GMDS: variants seen among roughly 807,000 people sequenced by gnomAD.
The protein encoded by GMDS is GDP-mannose 4,6 dehydratase.
A neutral mutation model predicts 49.9 loss-of-function variants in GMDS; 20 were observed. The ratio of observed to expected loss-of-function variants is 0.40; its 90% CI spans 0.28 to 0.58. The LOEUF is 0.58. GMDS is among the 20% of genes least tolerant of loss of function. GMDS has a pLI of 0.42. For synonymous variants in GMDS, 177 were observed against 178.6 expected (o/e 0.99, Z 0.07); for missense variants, 362 against 481.4 (o/e 0.75, Z 2.32).
rs1179337424 is a variant in GMDS at position 1,682,704 on chromosome 6, G to A, written c.987+43712C>T. ...CCTGCCTCAGCCTCCCAAGTAGCTGGGACTACAGGCGCCCGCCACTACGCC... is the reference window on the plus strand; with the variant it reads ...CCTGCCTCAGCCTCCCAAGTAGCTGAGACTACAGGCGCCCGCCACTACGCC... On this transcript the variant is annotated intron_variant, in intron 9 of 10. Coordinates refer to ENST00000380815, the MANE Select transcript of GMDS (RefSeq NM_001500.4). Among the ~76,000 whole-genome samples, 2 of 24,688 alleles carry A rather than the reference G, an allele frequency of 8.1e-5. 1 individual carries two copies. Among genetic ancestry groups the A allele is most frequent in the African/African-American group, 2.9e-4 (2 of 6,814 alleles). The allele number at this position is 24,688 out of a possible 152,430, so 16.2% of individuals were successfully genotyped here. A position where few individuals can be genotyped will look rare whatever the true frequency, so the allele number is the denominator to read the frequency against.
At chr6:2,123,897 C>T (rs1775275205) in intron 2 of GMDS, among the ~76,000 whole-genome samples, 1 of 152,090 alleles carries the variant, frequency 6.6e-6, no homozygotes, top group African/African-American at 2.4e-5. Flanking sequence ...CATTTAGATG[C>T]CAAATTCTTT....
intron 7 of GMDS, among the ~76,000 whole-genome samples, chr6:1,825,231 A>G (rs1771058868): frequency 6.6e-6 from 1 of 152,238 alleles, no homozygotes; most frequent in African/African-American, 2.4e-5. Flanking sequence ...TTTAACTTGT[A>G]TAGCATCCTT....
At chr6:1,840,677 C>A (rs1757115707) in intron 7 of GMDS, among the ~76,000 whole-genome samples, 1 of 152,188 alleles carries the variant, frequency 6.6e-6, no homozygotes, top group African/African-American at 2.4e-5. Flanking sequence ...AGCCGCACTT[C>A]CAAGTGGAGC....
chr6:1,673,156 C>T (rs1190505746), intron 9 of GMDS, among the ~76,000 whole-genome samples: 1 of 152,154 alleles, frequency 6.6e-6, no homozygotes, highest in Non-Finnish European at 1.5e-5. Context: ...TCACCAATGC[C>T]AGCTCTGTTT....
intron 1 of GMDS, among the ~76,000 whole-genome samples, chr6:2,237,587 T>C (rs554755634): frequency 7.7e-4 from 116 of 150,162 alleles, no homozygotes; most frequent in African/African-American, 2.8e-3. Flanking sequence ...AGTGGTATGA[T>C]CTCGGCTCAC....
chr6:2,115,117 C>T (rs1406653120), intron 4 of GMDS, among the ~76,000 whole-genome samples: 6 of 152,142 alleles, frequency 3.9e-5, no homozygotes, highest in Admixed American at 3.9e-4. Context: ...TCAGATTTCA[C>T]TTATTCATGT....
chr6:2,155,984 G>A (rs1484688555), intron 1 of GMDS, among the ~76,000 whole-genome samples: 6 of 151,568 alleles, frequency 4.0e-5, no homozygotes, highest in Non-Finnish European at 7.4e-5. Context: ...AATTTAAATC[G>A]CTCATTGTTT....
intron 1 of GMDS, among the ~76,000 whole-genome samples, chr6:2,217,812 G>T (rs959706396): frequency 6.6e-6 from 1 of 152,156 alleles, no homozygotes; most frequent in African/African-American, 2.4e-5. Context: ...CCAAAGCCCT[G>T]GATGAACTGA....
intron 9 of GMDS, among the ~76,000 whole-genome samples, chr6:1,709,746 A>C (rs1415360758): frequency 6.6e-6 from 1 of 152,196 alleles, no homozygotes; most frequent in African/African-American, 2.4e-5. Flanking sequence ...AAAAAGAAGA[A>C]CTTATTGAGA....
chr6:1,772,612 T>G (rs1222729325), intron 7 of GMDS, among the ~76,000 whole-genome samples: 1 of 152,178 alleles, frequency 6.6e-6, no homozygotes, highest in Non-Finnish European at 1.5e-5. Flanking sequence ...ATGTGCTGGA[T>G]TATCTAGACT....
In GMDS at chr6:1,967,103, T is replaced by C. The variant is rs985576451; in HGVS notation, c.346-6137A>G. Among the ~76,000 whole-genome samples, 3 of 152,200 alleles carry C rather than the reference T, an allele frequency of 2.0e-5. No individual in the cohort carries two copies. In the South Asian group the frequency reaches 6.2e-4, roughly 32 times the overall value. On this transcript the variant is annotated intron_variant, in intron 4 of 10. Coordinates refer to ENST00000380815, the MANE Select transcript of GMDS (RefSeq NM_001500.4). ...GGAGCCTTCACGCTGCTGACCCCTC[T>C]GTATGCTGTGCCCCTCACCACTGCC...
chr6:1,934,697 T>C (rs1453069429), intron 6 of GMDS, among the ~76,000 whole-genome samples: 1 of 152,234 alleles, frequency 6.6e-6, no homozygotes, highest in Non-Finnish European at 1.5e-5. Flanking sequence ...TTAAACATTT[T>C]TGTAACCACA....
At chr6:2,190,584 G>A (rs1192410184) in intron 1 of GMDS, among the ~76,000 whole-genome samples, 2 of 152,218 alleles carry the variant, frequency 1.3e-5, no homozygotes, top group Non-Finnish European at 2.9e-5. Context: ...CAATTTGGGA[G>A]AGAATACTTT....
chr6:1,631,041 T>C (rs1398189219), intron 9 of GMDS, among the ~76,000 whole-genome samples: 1 of 152,194 alleles, frequency 6.6e-6, no homozygotes, highest in African/African-American at 2.4e-5. Flanking sequence ...GATTTACCCA[T>C]GCTGGAAGGA....
chr6:1,742,610 C>G (rs970206478), intron 7 of GMDS, 24 bp from the exon 8 acceptor site: 4 of 1,305,576 alleles, frequency 3.1e-6, no homozygotes. Flanking sequence ...GAGGCAAGTT[C>G]ACTTTGAAGT....
chr6:2,031,937 C>T lies in GMDS; in HGVS notation c.346-70971G>A, dbSNP rs12209238. On this transcript the variant is annotated intron_variant, in intron 4 of 10. Coordinates refer to ENST00000380815, the MANE Select transcript of GMDS (RefSeq NM_001500.4). ...ATACAATTAACATTTTAGTGAAATGCCTTATGAAAACATTAGCCATTTTTA... is the reference window on the plus strand; with the variant it reads ...ATACAATTAACATTTTAGTGAAATGTCTTATGAAAACATTAGCCATTTTTA... Among the ~76,000 whole-genome samples, 1,435 of 152,250 alleles carry T rather than the reference C, an allele frequency of 9.4e-3. 8 individuals are homozygous for T. The highest frequency in any genetic ancestry group is 0.016 in the Non-Finnish European group (1,062 of 68,022).
intron 4 of GMDS, among the ~76,000 whole-genome samples, chr6:2,022,084 C>T (rs1389033611): frequency 2.0e-5 from 3 of 152,062 alleles, no homozygotes; most frequent in Admixed American, 6.5e-5. Context: ...CTGCCTAAGC[C>T]TAACAAGGCA....
intron 7 of GMDS, among the ~76,000 whole-genome samples, chr6:1,773,952 G>A (rs1242079110): frequency 6.6e-6 from 1 of 152,146 alleles, no homozygotes; most frequent in Non-Finnish European, 1.5e-5. Flanking sequence ...TGAAAAACAG[G>A]AACTAAACTG....
chr6:2,224,582 G>A (rs1429906548), intron 1 of GMDS, among the ~76,000 whole-genome samples: 8 of 152,204 alleles, frequency 5.3e-5, no homozygotes, highest in East Asian at 3.8e-4. Context: ...TATAGTTATA[G>A]GAGCGAAGAT....
Sources: allele counts gnomAD v4.1 joint callset (sites outside exome capture counted in the v4.1 genomes callset), GRCh38; gene constraint gnomAD v4.1.1; transcripts MANE v1.5; gene names NCBI Gene and HGNC (gene_info 2026-07-23, HGNC 2026-07-21).